Variants in SCN2A observed in about 807,000 individuals in gnomAD.
SCN2A encodes the protein sodium voltage-gated channel alpha subunit 2, also known as sodium channel protein type 2 subunit alpha.
A neutral mutation model predicts 188.7 loss-of-function variants in SCN2A; 20 were observed. The ratio of observed to expected loss-of-function variants is 0.11; its 90% CI spans 0.07 to 0.15. The LOEUF is 0.15. Among genes scored for constraint, SCN2A ranks in the 10% least tolerant of loss-of-function variants. The pLI is 1.00. For synonymous variants in SCN2A, 804 were observed against 833.1 expected, an observed-to-expected ratio of 0.97 and a Z score of 0.60; for missense variants, 1,278 against 2,445.0, an observed-to-expected ratio of 0.52 and a Z score of 10.07.
In SCN2A at chr2:165,342,347, G is replaced by T; in HGVS notation, c.2440G>T (p.Asp814Tyr). 1 of 1,613,906 alleles carries T rather than the reference G, an allele frequency of 6.2e-7. No individual in the cohort carries two copies. The highest frequency in any genetic ancestry group is 8.5e-7 in the Non-Finnish European group (1 of 1,179,892). The change falls in exon 15 of 27, where the codon GAT (aspartate) becomes TAT (tyrosine). Residue 814 changes from aspartate to tyrosine, a missense_variant. Physicochemically the swap from Asp to Tyr is radical, Grantham distance 160. This residue lies in a region of SCN2A where 83 missense variants were observed against 256.8 expected (regional missense o/e 0.32). Coordinates refer to ENST00000375437, the MANE Select transcript of SCN2A (RefSeq NM_001040142.2). ...AEMFLKIIAM[D>Y]PYYYFQEGWN... The stretch of plus-strand genomic sequence containing the variant: ...AATGTTTCTCAAGATAATTGCCATG[G>T]ATCCATATTATTACTTTCAAGAAGG...
chr2:165,353,508 C>A (rs549906789), intron 16 of SCN2A, among the ~76,000 whole-genome samples: 1 of 152,144 alleles, frequency 6.6e-6, no homozygotes, highest in Admixed American at 6.5e-5. Context: ...CAGATAAATA[C>A]CTGAGACTGG....
At chr2:165,347,441 G>A (rs570401821) in intron 16 of SCN2A, among the ~76,000 whole-genome samples, 7 of 152,068 alleles carry the variant, frequency 4.6e-5, no homozygotes, top group Admixed American at 2.0e-4. Context: ...GAGGCCTGTC[G>A]AGGGGTGGGG....
At chr2:165,290,756 T>C in intron 1 of SCN2A, 2 of 985,122 alleles carry the variant, frequency 2.0e-6, no homozygotes, top group Non-Finnish European at 2.4e-6. Flanking sequence ...TTGATTGCAG[T>C]AGGACAACTT....
At chr2:165,323,107 C>A in intron 11 of SCN2A, 49 bp from the exon 12 acceptor site, 1 of 1,530,510 alleles carries the variant, frequency 6.5e-7, no homozygotes, top group Non-Finnish European at 9.0e-7. Flanking sequence ...AGAATGCCAG[C>A]TCTTAACTCT....
chr2:165,284,308 C>A (rs934800412), intron 1 of SCN2A, among the ~76,000 whole-genome samples: 1 of 151,956 alleles, frequency 6.6e-6, no homozygotes. Flanking sequence ...GTAGCTGGGA[C>A]TACAGGTGCC....
At position 165,315,503 on chromosome 2, in the gene SCN2A, A is replaced by G. The variant is rs200246820; in HGVS notation, c.1416A>G (p.Arg472=). The change falls in exon 11 of 27, where the codon AGA becomes AGG. Residue 472 remains arginine, a synonymous_variant. Coordinates refer to ENST00000375437, the MANE Select transcript of SCN2A (RefSeq NM_001040142.2). ...CTGCAGCCGCATCTGCTGAATCAAG[A>G]GACTTCAGTGGTGCTGGTGGGATAG... ...AAAAAASAES[R]DFSGAGGIGV... 1,098 of 1,613,826 alleles carry G rather than the reference A, an allele frequency of 6.8e-4. No individual in the cohort carries two copies. The highest frequency in any genetic ancestry group is 9.0e-4 in the Non-Finnish European group (1,061 of 1,179,880).
intron 21 of SCN2A, among the ~76,000 whole-genome samples, chr2:165,374,392 A>G (rs1319707899): frequency 1.3e-5 from 2 of 152,036 alleles, no homozygotes; most frequent in Non-Finnish European, 2.9e-5. Flanking sequence ...GCCACTGTTT[A>G]TACTCTTAAT....
intron 1 of SCN2A, among the ~76,000 whole-genome samples, chr2:165,281,920 G>C (rs188058990): frequency 6.6e-6 from 1 of 152,114 alleles, no homozygotes; most frequent in African/African-American, 2.4e-5. Flanking sequence ...AGCATGTTCT[G>C]GGTGCTCAGT....
chr2:165,271,804 G>A (rs1695116718), intron 1 of SCN2A: 1 of 151,222 alleles, frequency 6.6e-6, no homozygotes, highest in Non-Finnish European at 1.5e-5. Flanking sequence ...CACATAAGTA[G>A]AATCATAAAG....
intron 11 of SCN2A, among the ~76,000 whole-genome samples, chr2:165,317,197 A>G (rs769549089): frequency 6.6e-6 from 1 of 152,116 alleles, no homozygotes; most frequent in Non-Finnish European, 1.5e-5. Flanking sequence ...CAAATTTAAC[A>G]TAGGATCTTT....
intron 12 of SCN2A, among the ~76,000 whole-genome samples, chr2:165,325,157 G>T (rs1370080409): frequency 6.6e-6 from 1 of 152,026 alleles, no homozygotes; most frequent in Non-Finnish European, 1.5e-5. Flanking sequence ...TACCATGCAG[G>T]AATACAGACA....
At chr2:165,278,983 G>A (rs1206750607) in intron 1 of SCN2A, among the ~76,000 whole-genome samples, 1 of 151,990 alleles carries the variant, frequency 6.6e-6, no homozygotes, top group Admixed American at 6.6e-5. Context: ...AGGCAGGCAG[G>A]CAGGAAGGAA....
chr2:165,312,670 C>G (rs935362369), intron 8 of SCN2A, among the ~76,000 whole-genome samples: 8 of 152,014 alleles, frequency 5.3e-5, no homozygotes, highest in African/African-American at 1.9e-4. Context: ...ATTTAGATCG[C>G]TCAATAAGTG....
chr2:165,361,908 G>C (rs990554488), intron 17 of SCN2A, among the ~76,000 whole-genome samples: 2 of 152,020 alleles, frequency 1.3e-5, no homozygotes, highest in African/African-American at 4.8e-5. Context: ...TCTAAGAGTT[G>C]TTCGTCATTG....
In SCN2A at chr2:165,338,038, T is replaced by C. The variant is rs149590290; in HGVS notation, c.2389-4258T>C. Among the ~76,000 whole-genome samples, 454 of 152,268 alleles carry C rather than the reference T, an allele frequency of 3.0e-3. 1 individual carries two copies. The highest frequency in any genetic ancestry group is 4.7e-3 in the Non-Finnish European group (318 of 68,014). Reference sequence around the variant, plus strand: ...TCCAGGTAATAAGCATAGTACTCTATAGATAGTTCTTCAATTCTCATCCTC... The same window carrying C: ...TCCAGGTAATAAGCATAGTACTCTACAGATAGTTCTTCAATTCTCATCCTC... On this transcript the variant is annotated intron_variant, in intron 14 of 26. Coordinates refer to ENST00000375437, the MANE Select transcript of SCN2A (RefSeq NM_001040142.2).
At position 165,269,697 on chromosome 2, in the gene SCN2A, A is replaced by G. The variant is rs1162601395; in HGVS notation, c.-51-26076A>G. The G allele has an allele frequency of 2.6e-5, 4 of 152,026 alleles. No homozygotes were observed. In the South Asian group the frequency reaches 6.2e-4, roughly 24 times the overall value. The allele number at this position is 152,026 out of a possible 1,614,324, so 9.4% of individuals were successfully genotyped here. A position where few individuals can be genotyped will look rare whatever the true frequency, so the allele number is the denominator to read the frequency against. On this transcript the variant is annotated intron_variant, in intron 1 of 26. Transcript: ENST00000375437. ...ATTGGACCTCATATGTGACCATTCT[A>G]TTTTCCTTTATTCAAATGGAAAAAG...
At chr2:165,338,096 C>G (rs1699096901) in intron 14 of SCN2A, among the ~76,000 whole-genome samples, 1 of 151,978 alleles carries the variant, frequency 6.6e-6, no homozygotes, top group Non-Finnish European at 1.5e-5. Context: ...GTCTGTTGTT[C>G]CCTTCTTTGT....
intron 1 of SCN2A, chr2:165,294,186 C>T (rs1208057077): frequency 3.7e-6 from 3 of 820,870 alleles, no homozygotes; most frequent in East Asian, 2.5e-4. Flanking sequence ...GCTTCTCTAC[C>T]TTTACAGTAG....
chr2:165,363,464 C>T (rs1338286851), intron 17 of SCN2A, among the ~76,000 whole-genome samples: 1 of 152,134 alleles, frequency 6.6e-6, no homozygotes, highest in Non-Finnish European at 1.5e-5. Context: ...TATTTTCCAA[C>T]ATGTTGCAAG....
Sources: gnomAD v4.1 joint callset for allele counts (sites outside exome capture counted in the v4.1 genomes callset) on GRCh38, gnomAD v4.1.1 for gene constraint, gnomAD v4.1.1 regional missense constraint, MANE v1.5 for transcripts, NCBI Gene and HGNC (gene_info 2026-07-23, HGNC 2026-07-21) for gene names.